KMT2D: variants seen among roughly 807,000 people sequenced by gnomAD.
KMT2D encodes the protein histone-lysine N-methyltransferase 2D.
KMT2D carries 55 observed loss-of-function variants against 512.7 expected under a neutral mutation model. The ratio of observed to expected loss-of-function variants is 0.11; its 90% CI spans 0.09 to 0.13. The LOEUF is 0.13. Among genes scored for constraint, KMT2D ranks in the 10% least tolerant of loss-of-function variants. The pLI, the probability that KMT2D is intolerant of heterozygous loss-of-function variation, is 1.00. For synonymous variants in KMT2D, 2,995 were observed against 2,904.0 expected, an observed-to-expected ratio of 1.03 and a Z score of -1.01; for missense variants, 6,061 against 7,127.9, an observed-to-expected ratio of 0.85 and a Z score of 5.39.
At position 49,048,776 on chromosome 12, in the gene KMT2D, G is replaced by T. The variant is rs559441151; in HGVS notation, c.4021-7C>A. The T allele has an allele frequency of 6.4e-7, 1 of 1,566,018 alleles. No individual in the cohort carries two copies. Among genetic ancestry groups the T allele is most frequent in the East Asian group, 2.2e-5 (1 of 44,452 alleles). ...AGCTATCAATGTCAGCAACCTGATG[G>T]GCAGAGAGTTATGGAAAGTGAGGCA... is the stretch of plus-strand genomic sequence containing the variant. On this transcript the variant is annotated splice_region_variant and splice_polypyrimidine_tract_variant and intron_variant, in intron 13 of 54. Transcript: ENST00000301067.
chr12:49,039,904 G>A lies in KMT2D; in HGVS notation c.7866C>T (p.Asp2622=), dbSNP rs773435188. 3 of 1,614,034 alleles carry A rather than the reference G, an allele frequency of 1.9e-6. No individual in the cohort carries two copies. The highest frequency in any genetic ancestry group is 2.2e-5 in the East Asian group (1 of 44,880). The part of the protein sequence containing the change: ...PPSVLPPPAP[D]GSLPYLSHGA... ...CATGGGACAGGTAGGGGAGGGATCC[G>A]TCGGGTGCAGGTGGTGGCAGAACCG... Residue 2622 remains aspartate, a synonymous_variant, in exon 32 of 55, where the codon GAC becomes GAT. Transcript: ENST00000301067. The surrounding 1 kb of genome is among the most constrained non-coding windows in gnomAD (Gnocchi z 5.0).
intron 12 of KMT2D, 143 bp downstream of exon 12, chr12:49,049,539 A>C: frequency 1.1e-6 from 1 of 895,206 alleles, no homozygotes; most frequent in Non-Finnish European, 1.6e-6. Flanking sequence ...TCTACGTATT[A>C]GTATTTTCTC....
At chr12:49,025,890 G>A (rs186814747) in intron 49 of KMT2D, among the ~76,000 whole-genome samples, 34 of 152,324 alleles carry the variant, frequency 2.2e-4, no homozygotes, top group Admixed American at 1.7e-3. Context: ...GGTTGGGTGA[G>A]GCAGATGATA....
Position 49,050,760 on chromosome 12 carries a change from A to G in KMT2D, c.2828T>C (p.Ile943Thr), listed in dbSNP as rs1565815239. ...CAGGGCCGGTGGGGCCGCAGCTGTG[A>G]TGATGGGTGAGAGTGGAGGAGGAAG... ...DPLPPPLSPI[I>T]TAAAPPALSP... The change falls in exon 12 of 55, where the codon ATC (isoleucine) becomes ACC (threonine). Residue 943 changes from isoleucine (I) to threonine (T), a missense_variant. This residue lies in a region of KMT2D where 848 missense variants were observed against 838.5 expected (regional missense o/e 1.01). Coordinates refer to ENST00000301067, the MANE Select transcript of KMT2D (RefSeq NM_003482.4). The G allele has an allele frequency of 6.2e-7, 1 of 1,611,496 alleles. No homozygotes were observed. Among genetic ancestry groups the G allele is most frequent in the Non-Finnish European group, 8.5e-7 (1 of 1,178,136 alleles).
In KMT2D at chr12:49,033,522, A is replaced by G. The variant is rs750188600; in HGVS notation, c.11183T>C (p.Met3728Thr). 1.4e-5 allele frequency: 23 copies of G among 1,612,868 alleles called. No individual in the cohort carries two copies. The highest frequency in any genetic ancestry group is 3.4e-6 in the Non-Finnish European group (4 of 1,179,650). Reference sequence around the variant, plus strand: ...CTGCTGCAGTTTCTGGGCCAGCTGCATACGTTGCTGCTGCAGCTGCAGCTG... The same window carrying G: ...CTGCTGCAGTTTCTGGGCCAGCTGCGTACGTTGCTGCTGCAGCTGCAGCTG... Reference protein sequence around the residue: ...ERQLQLQQQRMQLAQKLQQQQ... With the variant: ...ERQLQLQQQRTQLAQKLQQQQ... Residue 3728 changes from methionine to threonine, a missense_variant, in exon 40 of 55, where the codon ATG becomes ACG. Met to Thr is a moderately conservative substitution (Grantham distance 81). Transcript: ENST00000301067.
In KMT2D at chr12:49,022,860, G is replaced by A. The variant is rs2137707837; in HGVS notation, c.16068C>T (p.Asn5356=). 1.2e-6 allele frequency: 2 copies of A among 1,603,422 alleles called. No homozygotes were observed. The highest frequency in any genetic ancestry group is 8.5e-7 in the Non-Finnish European group (1 of 1,172,650). ...LTHYKRPHTL[N]STSMSKAYQS... ...GATATGCCTTAGACATGCTGGTGCTGTTCAGGGTATGGGGCCTGGGAGGTG... is the reference window on the plus strand; with the variant it reads ...GATATGCCTTAGACATGCTGGTGCTATTCAGGGTATGGGGCCTGGGAGGTG... The change falls in exon 52 of 55, where the codon AAC becomes AAT. Residue 5356 remains asparagine (N), a synonymous_variant. Transcript: ENST00000301067. This position sits in a 1 kb window ranked among gnomAD's most constrained non-coding sequence, Gnocchi z 8.6.
chr12:49,029,396 C>G lies in KMT2D; in HGVS notation c.14075+5G>C. ...CCTCATCCCCATTTCTGGCCCCGCC[C>G]CTACCTGACATCCTCAGTCTGATTG... On this transcript the variant is annotated splice_donor_5th_base_variant and intron_variant, in intron 44 of 54. Coordinates refer to ENST00000301067, the MANE Select transcript of KMT2D (RefSeq NM_003482.4). The G allele has an allele frequency of 6.4e-7, 1 of 1,557,152 alleles. No individual in the cohort carries two copies. The highest frequency in any genetic ancestry group is 8.7e-7 in the Non-Finnish European group (1 of 1,149,712).
At chr12:49,045,864 C>T (rs1276495046) in intron 19 of KMT2D, 56 bp downstream of exon 19, 1 of 1,378,354 alleles carries the variant, frequency 7.3e-7, no homozygotes, top group East Asian at 2.3e-5. Flanking sequence ...TGGAGCTAGA[C>T]TAGATGATGT....
In KMT2D at chr12:49,052,556, C is replaced by T. The variant is rs760957959; in HGVS notation, c.1258+8G>A. 3 of 1,612,266 alleles carry T rather than the reference C, an allele frequency of 1.9e-6. No individual in the cohort carries two copies. The East Asian group carries it at 6.7e-5, about 36-fold the overall frequency. On this transcript the variant is annotated splice_region_variant and intron_variant, in intron 10 of 54. Transcript: ENST00000301067. Reference sequence around the variant, plus strand: ...GATGAATTTCAGGGACCCTCAAACCCTACTCACCTAGTGGTTTGGCTTCAC... The same window carrying T: ...GATGAATTTCAGGGACCCTCAAACCTTACTCACCTAGTGGTTTGGCTTCAC...
chr12:49,044,791 T>A lies in KMT2D; in HGVS notation c.4916A>T (p.Asp1639Val), dbSNP rs1416634495. 2 of 1,613,878 alleles carry A rather than the reference T, an allele frequency of 1.2e-6. No individual in the cohort carries two copies. The highest frequency in any genetic ancestry group is 2.2e-5 in the East Asian group (1 of 44,896). Residue 1639 changes from aspartate (D) to valine (V), a missense_variant, in exon 20 of 55, where the codon GAC (aspartate) becomes GTC (valine). Asp to Val is a radical substitution (Grantham distance 152). Around this residue, in one of 16 missense-constraint regions of KMT2D, gnomAD observed 640 missense variants for 814.3 expected, o/e 0.79. Coordinates refer to ENST00000301067, the MANE Select transcript of KMT2D (RefSeq NM_003482.4). The surrounding 1 kb of genome is among the most constrained non-coding windows in gnomAD (Gnocchi z 6.4). The stretch of plus-strand genomic sequence containing the variant: ...GGTGTCCAGGTCCCCATCCTTCTTG[T>A]CATCAGGGCCAAGGGCATCTGAGGG... ...SEPSDALGPD[D>V]KKDGDLDTDE...
Position 49,038,870 on chromosome 12 carries a change from A to G in KMT2D, c.8486T>C (p.Met2829Thr). ...QQQQATAATS[M>T]RFAMSARFPS... Reference sequence around the variant, plus strand: ...AAAGCGAGCTGACATGGCAAATCGCATGGAGGTTGCTGCTGTTGCCTGTTG... The same window carrying G: ...AAAGCGAGCTGACATGGCAAATCGCGTGGAGGTTGCTGCTGTTGCCTGTTG... The change falls in exon 35 of 55, where the codon ATG (methionine) becomes ACG (threonine). Residue 2829 changes from methionine to threonine, a missense_variant. Met to Thr is a moderately conservative substitution (Grantham distance 81, BLOSUM62 -1). Around this residue, in one of 16 missense-constraint regions of KMT2D, gnomAD observed 527 missense variants for 578.9 expected, o/e 0.91. Transcript: ENST00000301067. The surrounding 1 kb of genome is among the most constrained non-coding windows in gnomAD (Gnocchi z 5.7). The G allele has an allele frequency of 6.4e-7, 1 of 1,552,086 alleles. No individual in the cohort carries two copies. The highest frequency in any genetic ancestry group is 8.7e-7 in the Non-Finnish European group (1 of 1,147,242).
Position 49,029,428 on chromosome 12 carries a change from G to A in KMT2D, c.14048C>T (p.Pro4683Leu). ...SLDLLAALPT[P>L]PHNQTEDVRM... is the part of the protein sequence containing the mutation. ...GACATCCTCAGTCTGATTGTGAGGG[G>A]GTGTAGGCAAGGCAGCCAGCAGGTC... The change falls in exon 44 of 55, where the codon CCC (proline) becomes CTC (leucine). Residue 4683 changes from proline (P) to leucine (L), a missense_variant. Transcript: ENST00000301067. 6.4e-7 allele frequency: 1 copy of A among 1,557,900 alleles called. No individual in the cohort carries two copies. Among genetic ancestry groups the A allele is most frequent in the Non-Finnish European group, 8.7e-7 (1 of 1,150,128 alleles).
intron 1 of KMT2D, among the ~76,000 whole-genome samples, chr12:49,059,026 T>G (rs1364411697): frequency 2.6e-5 from 4 of 152,128 alleles, no homozygotes; most frequent in African/African-American, 9.7e-5. Context: ...CCCCGCCTCC[T>G]TCTTGCCCCA....
In KMT2D at chr12:49,043,163, C is replaced by T. The variant is rs1381309513; in HGVS notation, c.5557G>A (p.Ala1853Thr). 2 of 1,613,940 alleles carry T rather than the reference C, an allele frequency of 1.2e-6. No individual in the cohort carries two copies. The change falls in exon 26 of 55, where the codon GCA (alanine) becomes ACA (threonine). Residue 1853 changes from alanine to threonine, a missense_variant. Ala to Thr is a moderately conservative substitution (Grantham distance 58, BLOSUM62 0). Around this residue, in one of 16 missense-constraint regions of KMT2D, gnomAD observed 640 missense variants for 814.3 expected, o/e 0.79. Coordinates refer to ENST00000301067, the MANE Select transcript of KMT2D (RefSeq NM_003482.4). ...TPGPEDGGVK[A>T]SPVPSDPEKP... Reference sequence around the variant, plus strand: ...TCAGGGTCACTGGGCACTGGGGATGCCTTCACGCCCCCATCCTCAGGTCCT... The same window carrying T: ...TCAGGGTCACTGGGCACTGGGGATGTCTTCACGCCCCCATCCTCAGGTCCT...
At position 49,046,687 on chromosome 12, in the gene KMT2D, T is replaced by C; in HGVS notation, c.4340A>G (p.Asp1447Gly). ...GTATGTGTGGTAGCTAATATCACAGTCATCACAGAGCAGCAGGCGTGAGGG... is the reference window on the plus strand; with the variant it reads ...GTATGTGTGGTAGCTAATATCACAGCCATCACAGAGCAGCAGGCGTGAGGG... Reference protein sequence around the residue: ...SDPSRLLLCDDCDISYHTYCL... With the variant: ...SDPSRLLLCDGCDISYHTYCL... Residue 1447 changes from aspartate (D) to glycine (G), a missense_variant, in exon 16 of 55, where the codon GAC (aspartate) becomes GGC (glycine). By Grantham distance (94) the Asp-to-Gly change is moderately conservative (BLOSUM62 -1). Transcript: ENST00000301067. This position sits in a 1 kb window ranked among gnomAD's most constrained non-coding sequence, Gnocchi z 4.2. 6.2e-7 allele frequency: 1 copy of C among 1,613,840 alleles called. No homozygotes were observed. Among genetic ancestry groups the C allele is most frequent in the Non-Finnish European group, 8.5e-7 (1 of 1,179,868 alleles).
rs762588573 is a variant in KMT2D, at chr12:49,033,301, G to A, written c.11404C>T (p.Leu3802=). The A allele has an allele frequency of 1.3e-5, 20 of 1,588,058 alleles. No individual in the cohort carries two copies. The Middle Eastern group carries it at 2.2e-3, about 173-fold the overall frequency. ...PQPPQGPQGM[L]GPAQVAVLQQ... is the part of the protein sequence containing the mutation. ...AACACAGCCACCTGGGCAGGGCCCA[G>A]CATGCCCTGGGGCCCCTGGGGTGGT... Residue 3802 remains leucine, a synonymous_variant, in exon 40 of 55, where the codon CTG becomes TTG. Coordinates refer to ENST00000301067, the MANE Select transcript of KMT2D (RefSeq NM_003482.4).
chr12:49,031,801 G>A lies in KMT2D; in HGVS notation c.12904C>T (p.Leu4302Phe), dbSNP rs1942928217. ...PPGALSTGPV[L>F]GPVHPTPPPS... ...GGAGGTGTGGGATGGACAGGGCCAA[G>A]GACTGGTCCTGTAGATAAGGCTCCT... Residue 4302 changes from leucine (L) to phenylalanine (F), a missense_variant, in exon 40 of 55, where the codon CTT (leucine) becomes TTT (phenylalanine). Leu to Phe is a conservative substitution (Grantham distance 22, BLOSUM62 0). Coordinates refer to ENST00000301067, the MANE Select transcript of KMT2D (RefSeq NM_003482.4). 3.8e-6 allele frequency: 6 copies of A among 1,596,630 alleles called. No individual in the cohort carries two copies. Among genetic ancestry groups the A allele is most frequent in the Non-Finnish European group, 3.4e-6 (4 of 1,170,468 alleles).
chr12:49,060,755 G>C lies in KMT2D; in HGVS notation c.-1180C>G, dbSNP rs991603107. ...GCACCCCACTCGAGAGGGGGAGAAA[G>C]GAGAAGAGGCGGCCCTATTTTGTGT... is the stretch of plus-strand genomic sequence containing the variant. On this transcript the variant is annotated 5_prime_UTR_variant, in exon 1 of 55. Transcript: ENST00000301067. 2.6e-5 allele frequency among the ~76,000 whole-genome samples: 4 copies of C among 152,244 alleles called. No homozygotes were observed. The highest frequency in any genetic ancestry group is 9.6e-5 in the African/African-American group (4 of 41,470).
rs1463446396 is a variant in KMT2D, at chr12:49,033,141, G to A, written c.11564C>T (p.Ala3855Val). ...QGLMGHRLVT[A>V]QQQQQQQQHQ... ...CTGTTGTTGCTGCTGCTGCTGCTGGGCTGTGACCAGCCTGTGTCCCATAAG... is the reference window on the plus strand; with the variant it reads ...CTGTTGTTGCTGCTGCTGCTGCTGGACTGTGACCAGCCTGTGTCCCATAAG... The change falls in exon 40 of 55, where the codon GCC becomes GTC. Residue 3855 changes from alanine to valine, a missense_variant. This residue lies in a region of KMT2D where 1,600 missense variants were observed against 1,754.9 expected (regional missense o/e 0.91). Coordinates refer to ENST00000301067, the MANE Select transcript of KMT2D (RefSeq NM_003482.4). 2.6e-6 allele frequency: 4 copies of A among 1,550,012 alleles called. No individual in the cohort carries two copies. Among genetic ancestry groups the A allele is most frequent in the Non-Finnish European group, 3.5e-6 (4 of 1,146,488 alleles).
Sources: allele counts gnomAD v4.1 joint callset (sites outside exome capture counted in the v4.1 genomes callset), GRCh38; gene constraint gnomAD v4.1.1; regional missense constraint gnomAD v4.1.1; non-coding constraint Gnocchi (gnomAD v3.1); transcripts MANE v1.5; gene names NCBI Gene and HGNC (gene_info 2026-07-23, HGNC 2026-07-21).